TBC1D32: variants seen among roughly 807,000 people sequenced by gnomAD.
TBC1D32 encodes the protein TBC1 domain family member 32.
A neutral mutation model predicts 170.3 loss-of-function variants in TBC1D32; 151 were observed. The observed-to-expected ratio is 0.89, with a 90% confidence interval of 0.78 to 1.01. The LOEUF is 1.01. Ranked by LOEUF, TBC1D32 falls within the 50% of genes least tolerant of loss-of-function variation. TBC1D32 has a pLI of 0.00. For synonymous variants in TBC1D32, 498 were observed against 488.0 expected (o/e 1.02, Z -0.27); for missense variants, 1,464 against 1,457.1 (o/e 1.00, Z -0.08).
At chr6:121,143,247 T>A (rs1783018159) in intron 24 of TBC1D32, among the ~76,000 whole-genome samples, 1 of 152,164 alleles carries the variant, frequency 6.6e-6, no homozygotes, top group Non-Finnish European at 1.5e-5. Flanking sequence ...TATTCAAGTG[T>A]ACATATATAC....
At chr6:121,259,860 T>G (rs1394804998) in intron 15 of TBC1D32, among the ~76,000 whole-genome samples, 1 of 151,938 alleles carries the variant, frequency 6.6e-6, no homozygotes, top group Non-Finnish European at 1.5e-5. Flanking sequence ...ACCTCCAGAT[T>G]CCCCCCAACA....
intron 12 of TBC1D32, among the ~76,000 whole-genome samples, chr6:121,286,166 G>A (rs1803788720): frequency 6.6e-6 from 1 of 152,114 alleles, no homozygotes; most frequent in Non-Finnish European, 1.5e-5. Context: ...GAGAGAGGAA[G>A]CCTTCAGAAG....
intron 24 of TBC1D32, among the ~76,000 whole-genome samples, chr6:121,148,562 C>T (rs1182281516): frequency 1.3e-5 from 2 of 152,098 alleles, no homozygotes; most frequent in Non-Finnish European, 2.9e-5. Flanking sequence ...AATTGCCACA[C>T]CATCTTCCAC....
chr6:121,175,138 A>T (rs998074279), intron 22 of TBC1D32, among the ~76,000 whole-genome samples: 1 of 152,220 alleles, frequency 6.6e-6, no homozygotes, highest in Non-Finnish European at 1.5e-5. Context: ...AGGGAGGATC[A>T]ATGTTATCAT....
intron 1 of TBC1D32, among the ~76,000 whole-genome samples, chr6:121,323,682 C>T (rs1282187422): frequency 6.6e-6 from 1 of 152,224 alleles, no homozygotes; most frequent in African/African-American, 2.4e-5. Flanking sequence ...TGACTCACGC[C>T]TGTGATCCCA....
intron 10 of TBC1D32, among the ~76,000 whole-genome samples, chr6:121,299,015 T>A (rs1302647937): frequency 6.6e-6 from 1 of 152,148 alleles, no homozygotes; most frequent in Non-Finnish European, 1.5e-5. Context: ...TAAGTCTACA[T>A]TTGGTATAAC....
At chr6:121,280,250 T>C (rs1447549959) in intron 14 of TBC1D32, among the ~76,000 whole-genome samples, 2 of 151,884 alleles carry the variant, frequency 1.3e-5, no homozygotes, top group Non-Finnish European at 2.9e-5. Context: ...ACACAGTATT[T>C]TAAAACTTTC....
intron 24 of TBC1D32, among the ~76,000 whole-genome samples, chr6:121,152,164 G>T (rs1784301229): frequency 6.6e-6 from 1 of 152,098 alleles, no homozygotes; most frequent in Admixed American, 6.5e-5. Context: ...AATATTTAGT[G>T]CTTTCTTCAG....
At chr6:121,117,941 G>A (rs1779856031) in intron 26 of TBC1D32, among the ~76,000 whole-genome samples, 1 of 151,942 alleles carries the variant, frequency 6.6e-6, no homozygotes, top group Admixed American at 6.6e-5. Context: ...AAATAAAATC[G>A]ATGGGGAAAA....
At chr6:121,244,882 C>T (rs1224327071) in intron 17 of TBC1D32, among the ~76,000 whole-genome samples, 1 of 152,120 alleles carries the variant, frequency 6.6e-6, no homozygotes, top group Non-Finnish European at 1.5e-5. Flanking sequence ...AGCTTTATGG[C>T]CTTGCCCATC....
At chr6:121,284,094 C>T (rs529768930) in intron 12 of TBC1D32, among the ~76,000 whole-genome samples, 184 bp from the exon 13 acceptor site, 18 of 152,114 alleles carry the variant, frequency 1.2e-4, no homozygotes, top group Admixed American at 5.2e-4. Flanking sequence ...AATTAAAACA[C>T]GGCAAGGCAA....
intron 22 of TBC1D32, among the ~76,000 whole-genome samples, chr6:121,183,265 G>A (rs572659271): frequency 6.6e-6 from 1 of 152,122 alleles, no homozygotes; most frequent in Admixed American, 6.6e-5. Flanking sequence ...TTCATACAAT[G>A]CTAAGCAGTG....
chr6:121,170,040 T>A (rs1786737392), intron 22 of TBC1D32, among the ~76,000 whole-genome samples: 1 of 152,054 alleles, frequency 6.6e-6, no homozygotes, highest in Admixed American at 6.6e-5. Context: ...CAATAGCAGC[T>A]GAATTAAAAG....
chr6:121,257,680 A>AT (rs569697370), intron 15 of TBC1D32, among the ~76,000 whole-genome samples: 30 of 152,080 alleles, frequency 2.0e-4, no homozygotes, highest in Non-Finnish European at 2.5e-4. Flanking sequence ...GATAAAGTGT[A>AT]TTTTTTGTTT....
At chr6:121,208,108 C>CA (rs796335160) in intron 21 of TBC1D32, among the ~76,000 whole-genome samples, 4,501 of 135,548 alleles carry the variant, frequency 0.033, 172 homozygotes, top group African/African-American at 0.1. Context: ...ACACACACAC[C>CA]AAAAAAAAAA....
intron 12 of TBC1D32, among the ~76,000 whole-genome samples, chr6:121,287,068 T>G (rs143038253): frequency 0.033 from 4,981 of 152,158 alleles, 190 homozygotes; most frequent in East Asian, 0.12. Context: ...GTAGAGACCA[T>G]CAAGGCTAGG....
At chr6:121,230,333 CTA>C (rs1795582009) in intron 20 of TBC1D32, among the ~76,000 whole-genome samples, 1 of 152,116 alleles carries the variant, frequency 6.6e-6, no homozygotes, top group African/African-American at 2.4e-5. Flanking sequence ...TGAGTGCCTA[CTA>C]TATGCCAAGC....
At chr6:121,266,767 T>C (rs1242908111) in intron 15 of TBC1D32, among the ~76,000 whole-genome samples, 2 of 152,164 alleles carry the variant, frequency 1.3e-5, no homozygotes, top group Admixed American at 1.3e-4. Context: ...TGCAGGCAGA[T>C]GGATGAAGCT....
In TBC1D32 at chr6:121,080,894, C is replaced by A; in HGVS notation, c.3655-4G>T. The A allele has an allele frequency of 6.2e-7, 1 of 1,601,154 alleles. No homozygotes were observed. The highest frequency in any genetic ancestry group is 1.3e-5 in the African/African-American group (1 of 74,124). On this transcript the variant is annotated splice_region_variant and splice_polypyrimidine_tract_variant and intron_variant, in intron 31 of 31. Transcript: ENST00000398212. ...GAAACCCATGCAGTGCTTCTTCCTGCCAAAAATTACAAAGGGAAAATTATT... is the reference window on the plus strand; with the variant it reads ...GAAACCCATGCAGTGCTTCTTCCTGACAAAAATTACAAAGGGAAAATTATT...
Sources: allele counts gnomAD v4.1 joint callset (sites outside exome capture counted in the v4.1 genomes callset), GRCh38; gene constraint gnomAD v4.1.1; transcripts MANE v1.5; gene names NCBI Gene and HGNC (gene_info 2026-07-23, HGNC 2026-07-21).